The following ATP10B variants were observed in gnomAD, a reference collection of about 807,000 sequenced individuals.
ATP10B encodes ATPase phospholipid transporting 10B (putative), also known as phospholipid-transporting ATPase VB.
A neutral mutation model predicts 141.2 loss-of-function variants in ATP10B; 122 were observed. The ratio of observed to expected loss-of-function variants is 0.86; its 90% CI spans 0.75 to 1.00. The LOEUF (loss-of-function observed/expected upper bound fraction) is 1.00. Ranked by LOEUF, ATP10B falls within the 50% of genes least tolerant of loss-of-function variation. The probability of loss-of-function intolerance (pLI) is 0.00; values close to 1 mark genes in which losing one functional copy is unlikely to be tolerated. For synonymous variants in ATP10B, 685 were observed against 692.0 expected (o/e 0.99, Z 0.16); for missense variants, 1,876 against 1,825.3 (o/e 1.03, Z -0.51).
chr5:160,706,678 G>A (rs1158141811), intron 3 of ATP10B, among the ~76,000 whole-genome samples: 1 of 152,168 alleles, frequency 6.6e-6, no homozygotes, highest in Non-Finnish European at 1.5e-5. Context: ...CGATAATACA[G>A]AGAGTTCCTT....
Position 160,820,769 on chromosome 5 carries a change from G to A in ATP10B, c.-576+31172C>T, listed in dbSNP as rs114914123. 7.5e-3 allele frequency among the ~76,000 whole-genome samples: 1,147 copies of A among 152,140 alleles called. 20 individuals carry two copies. Among genetic ancestry groups the A allele is most frequent in the African/African-American group, 0.026 (1,092 of 41,536 alleles). ...AATCAATCAATGGGATACATCAGATGAACAGAATGAAGGTTAAAAACCATA... is the reference window on the plus strand; with the variant it reads ...AATCAATCAATGGGATACATCAGATAAACAGAATGAAGGTTAAAAACCATA... On this transcript the variant is annotated intron_variant, in intron 1 of 25. Coordinates refer to ENST00000327245, the MANE Select transcript of ATP10B (RefSeq NM_025153.3).
chr5:160,848,869 T>A (rs563967286), intron 1 of ATP10B, among the ~76,000 whole-genome samples: 1 of 152,198 alleles, frequency 6.6e-6, no homozygotes, highest in African/African-American at 2.4e-5. Context: ...CTACCTAAGA[T>A]CATTTTTGGT....
chr5:160,580,753 C>A (rs1231783352), intron 24 of ATP10B, among the ~76,000 whole-genome samples: 2 of 152,098 alleles, frequency 1.3e-5, no homozygotes, highest in African/African-American at 4.8e-5. Flanking sequence ...CTCTTTGTAC[C>A]TCTGGTAGAA....
the ATP10B span, among the ~76,000 whole-genome samples, chr5:160,924,534 C>T: frequency 6.6e-6 from 1 of 152,190 alleles, no homozygotes; most frequent in Non-Finnish European, 1.5e-5. Flanking sequence ...TTGGTGCAGA[C>T]AGCAGAAGGA....
chr5:160,779,219 C>T (rs1438893613), intron 2 of ATP10B, among the ~76,000 whole-genome samples: 1 of 152,158 alleles, frequency 6.6e-6, no homozygotes, highest in Non-Finnish European at 1.5e-5. Flanking sequence ...CTTATTGCAG[C>T]ATTGTATATA....
At chr5:160,866,433 G>T in the ATP10B span, among the ~76,000 whole-genome samples, 1 of 152,090 alleles carries the variant, frequency 6.6e-6, no homozygotes, top group East Asian at 1.9e-4. Context: ...CAGTATTTTG[G>T]GAGGCTGAGG....
intron 24 of ATP10B, among the ~76,000 whole-genome samples, chr5:160,574,801 C>CT (rs35450287): frequency 0.021 from 2,949 of 140,898 alleles, 63 homozygotes; most frequent in Middle Eastern, 0.077. Flanking sequence ...CAGCATTCAT[C>CT]TTTTTTTTTT....
chr5:160,861,984 G>A, the ATP10B span, among the ~76,000 whole-genome samples: 4 of 151,978 alleles, frequency 2.6e-5, no homozygotes, highest in South Asian at 4.1e-4. Flanking sequence ...TAGAAAATAG[G>A]TTCTCATATC....
chr5:160,774,769 C>T (rs1189006618), intron 2 of ATP10B, among the ~76,000 whole-genome samples: 1 of 152,168 alleles, frequency 6.6e-6, no homozygotes, highest in Non-Finnish European at 1.5e-5. Context: ...ACTTAGGCTC[C>T]AGCTGCGTCT....
intron 13 of ATP10B, among the ~76,000 whole-genome samples, chr5:160,624,991 A>G (rs1758539274): frequency 6.6e-6 from 1 of 152,222 alleles, no homozygotes; most frequent in Non-Finnish European, 1.5e-5. Flanking sequence ...CAACAGAGTA[A>G]TGACAGCTCG....
intron 2 of ATP10B, among the ~76,000 whole-genome samples, chr5:160,751,499 C>T (rs148375297): frequency 6.6e-6 from 1 of 152,064 alleles, no homozygotes; most frequent in Non-Finnish European, 1.5e-5. Context: ...TTCACTTTCT[C>T]TGTTGGGGGA....
intron 1 of ATP10B, among the ~76,000 whole-genome samples, chr5:160,797,352 A>G (rs1411819020): frequency 6.6e-6 from 1 of 152,114 alleles, no homozygotes; most frequent in Non-Finnish European, 1.5e-5. Flanking sequence ...GCAGCTTTGC[A>G]AGTTTATCCC....
intron 5 of ATP10B, among the ~76,000 whole-genome samples, chr5:160,687,567 C>G (rs1248761817): frequency 6.6e-6 from 1 of 152,050 alleles, no homozygotes; most frequent in African/African-American, 2.4e-5. Context: ...AGTTAGAGAC[C>G]AGCTTGGGCA....
intron 24 of ATP10B, among the ~76,000 whole-genome samples, chr5:160,577,097 G>A (rs1025060430): frequency 6.6e-6 from 1 of 152,158 alleles, no homozygotes; most frequent in African/African-American, 2.4e-5. Context: ...GAATGTGATG[G>A]CATTTGTTAC....
intron 13 of ATP10B, 149 bp downstream of exon 13, chr5:160,631,980 A>G (rs1758966195): frequency 1.7e-6 from 1 of 595,980 alleles, no homozygotes. Context: ...TATGCCAACA[A>G]AACACATGTG....
At chr5:160,877,498 A>C in the ATP10B span, among the ~76,000 whole-genome samples, 170 of 149,232 alleles carry the variant, frequency 1.1e-3, no homozygotes, top group African/African-American at 3.7e-3. Context: ...CCTCTCTCAC[A>C]ACTCCTATTC....
chr5:160,804,695 T>C (rs1359738571), intron 1 of ATP10B, among the ~76,000 whole-genome samples: 1 of 152,194 alleles, frequency 6.6e-6, no homozygotes, highest in East Asian at 1.9e-4. Flanking sequence ...GAGCTCCAGA[T>C]TCAGTCATTT....
At chr5:160,917,123 T>C in the ATP10B span, among the ~76,000 whole-genome samples, 2 of 152,018 alleles carry the variant, frequency 1.3e-5, no homozygotes, top group South Asian at 2.1e-4. Context: ...CCAGAGAACA[T>C]CATGTGAAAG....
At chr5:160,817,016 G>T (rs938687138) in intron 1 of ATP10B, among the ~76,000 whole-genome samples, 3 of 152,122 alleles carry the variant, frequency 2.0e-5, no homozygotes, top group African/African-American at 7.2e-5. Context: ...AATGATAAAA[G>T]CTATCTATGA....
Sources: allele counts gnomAD v4.1 joint callset (sites outside exome capture counted in the v4.1 genomes callset), GRCh38; gene constraint gnomAD v4.1.1; transcripts MANE v1.5; gene names NCBI Gene and HGNC (gene_info 2026-07-23, HGNC 2026-07-21).